Variants in CEP170 observed in about 807,000 individuals in gnomAD.
The protein encoded by CEP170 is centrosomal protein of 170 kDa.
Under a neutral mutation model 151.9 loss-of-function variants are expected in CEP170, and 21 were observed. The ratio of observed to expected loss-of-function variants is 0.14; its 90% confidence interval spans 0.10 to 0.20. CEP170 has a LOEUF of 0.20. Among genes scored for constraint, CEP170 ranks in the 10% least tolerant of loss-of-function variants. CEP170 has a pLI of 1.00. For synonymous variants in CEP170, 356 were observed against 648.8 expected, an observed-to-expected ratio of 0.55 and a Z score of 6.86; for missense variants, 964 against 1,892.9, an observed-to-expected ratio of 0.51 and a Z score of 9.11.
intron 4 of CEP170, among the ~76,000 whole-genome samples, chr1:243,203,689 T>A (rs1313129003): frequency 6.6e-6 from 1 of 152,130 alleles, no homozygotes. Flanking sequence ...ACATGTGATT[T>A]AAAAAAACAT....
At chr1:243,219,651 G>C (rs569843756) in intron 3 of CEP170, among the ~76,000 whole-genome samples, 1 of 152,108 alleles carries the variant, frequency 6.6e-6, no homozygotes, top group African/African-American at 2.4e-5. Context: ...ACAATGTAAA[G>C]ACATACAGAC....
At chr1:243,156,171 T>C (rs1179440135) in intron 14 of CEP170, 50 bp downstream of exon 14, 3 of 1,533,644 alleles carry the variant, frequency 2.0e-6, no homozygotes, top group Non-Finnish European at 2.6e-6. Context: ...TACCAAGTTG[T>C]AATGTTCATA....
At chr1:243,184,706 A>AT (rs1289110180) in intron 10 of CEP170, among the ~76,000 whole-genome samples, 2 of 151,994 alleles carry the variant, frequency 1.3e-5, no homozygotes, top group Non-Finnish European at 2.9e-5. Context: ...AAGTTCTAAT[A>AT]TTTTTCCTGC....
chr1:243,226,442 A>C (rs965690150), intron 1 of CEP170, among the ~76,000 whole-genome samples: 3 of 151,958 alleles, frequency 2.0e-5, no homozygotes, highest in African/African-American at 7.2e-5. Context: ...AAAAAAATAA[A>C]ACTGGTATCA....
At chr1:243,127,205 T>G in intron 19 of CEP170, among the ~76,000 whole-genome samples, 1 of 152,042 alleles carries the variant, frequency 6.6e-6, no homozygotes, top group Non-Finnish European at 1.5e-5. Context: ...TAGAATACGG[T>G]CATTTAGCCT....
chr1:243,243,824 C>A (rs1473123155), intron 1 of CEP170, among the ~76,000 whole-genome samples: 1 of 152,048 alleles, frequency 6.6e-6, no homozygotes, highest in Non-Finnish European at 1.5e-5. Context: ...CCACGCCCGT[C>A]CATCATTCCT....
chr1:243,182,068 A>C (rs1353456837), intron 10 of CEP170, among the ~76,000 whole-genome samples: 1 of 152,104 alleles, frequency 6.6e-6, no homozygotes, highest in Non-Finnish European at 1.5e-5. Context: ...AAAAAGGCAG[A>C]TCTCTCATGA....
chr1:243,247,684 T>C (rs1024877420), intron 1 of CEP170, among the ~76,000 whole-genome samples: 6 of 152,126 alleles, frequency 3.9e-5, no homozygotes, highest in African/African-American at 1.4e-4. Flanking sequence ...CTAGCCCTTT[T>C]CTCTACCCTC....
chr1:243,190,555 A>AGC (rs1236435388), intron 8 of CEP170, among the ~76,000 whole-genome samples: 3 of 152,190 alleles, frequency 2.0e-5, no homozygotes, highest in Non-Finnish European at 2.9e-5. Context: ...AATACTTTGA[A>AGC]GCGCTCCATC....
At chr1:243,240,079 G>A (rs939614235) in intron 1 of CEP170, among the ~76,000 whole-genome samples, 11 of 152,292 alleles carry the variant, frequency 7.2e-5, no homozygotes, top group African/African-American at 2.4e-4. Context: ...GGGAGGCTGA[G>A]GAGGGTGGAT....
At chr1:243,249,616 T>C (rs2065752011) in intron 1 of CEP170, among the ~76,000 whole-genome samples, 1 of 152,162 alleles carries the variant, frequency 6.6e-6, no homozygotes, top group Admixed American at 6.6e-5. Context: ...TGAAAACAAA[T>C]GTAAAACAGC....
intron 2 of CEP170, among the ~76,000 whole-genome samples, chr1:243,224,539 G>C (rs1236562265): frequency 6.6e-6 from 1 of 151,972 alleles, no homozygotes; most frequent in Non-Finnish European, 1.5e-5. Flanking sequence ...AAGCCGTCCT[G>C]GGCCTCAGGT....
chr1:243,235,375 C>G (rs924346274), intron 1 of CEP170, among the ~76,000 whole-genome samples: 1 of 152,118 alleles, frequency 6.6e-6, no homozygotes, highest in Non-Finnish European at 1.5e-5. Flanking sequence ...GAAATATACT[C>G]TTGGAAAAAA....
At chr1:243,133,345 T>C (rs2054638999) in intron 17 of CEP170, among the ~76,000 whole-genome samples, 1 of 152,238 alleles carries the variant, frequency 6.6e-6, no homozygotes, top group African/African-American at 2.4e-5. Context: ...CAAAAATCAT[T>C]CAATGAATGA....
chr1:243,152,212 A>T (rs183506680), intron 14 of CEP170, among the ~76,000 whole-genome samples: 17 of 150,538 alleles, frequency 1.1e-4, no homozygotes, highest in African/African-American at 3.9e-4. Flanking sequence ...TGGATCAAGG[A>T]GCCATTTTGA....
chr1:243,131,500 C>CA (rs1427499633), intron 17 of CEP170, among the ~76,000 whole-genome samples: 2 of 151,176 alleles, frequency 1.3e-5, no homozygotes, highest in East Asian at 1.9e-4. Context: ...AAACAAAAAA[C>CA]AAAAAAACAA....
At chr1:243,220,440 G>GA (rs959665888) in intron 3 of CEP170, among the ~76,000 whole-genome samples, 6 of 146,696 alleles carry the variant, frequency 4.1e-5, no homozygotes, top group Non-Finnish European at 7.6e-5. Flanking sequence ...AACCAACAGA[G>GA]AAAAAAAAAG....
chr1:243,221,888 CTAATAT>C, intron 2 of CEP170, 75 bp from the exon 3 acceptor site: 1 of 1,315,540 alleles, frequency 7.6e-7, no homozygotes, highest in Non-Finnish European at 1.1e-6. Flanking sequence ...GGCTAGATAC[CTAATAT>C]TAATAGGACA....
chr1:243,239,922 T>A (rs60265187), intron 1 of CEP170, among the ~76,000 whole-genome samples: 6,660 of 152,240 alleles, frequency 0.044, 278 homozygotes, highest in African/African-American at 0.12. Context: ...TATTAATAGG[T>A]AATAGTGGCA....
Sources: gnomAD v4.1 joint callset for allele counts (sites outside exome capture counted in the v4.1 genomes callset) on GRCh38, gnomAD v4.1.1 for gene constraint, MANE v1.5 for transcripts, NCBI Gene and HGNC (gene_info 2026-07-23, HGNC 2026-07-21) for gene names.